The following PDE1A variants were observed in gnomAD, a reference collection of about 807,000 sequenced individuals.
PDE1A encodes the protein dual specificity calcium/calmodulin-dependent 3',5'-cyclic nucleotide phosphodiesterase 1A.
A neutral mutation model predicts 61.7 loss-of-function variants in PDE1A; 35 were observed. The ratio of observed to expected loss-of-function variants is 0.57; its 90% CI spans 0.43 to 0.75. PDE1A has a LOEUF of 0.75. Among genes scored for constraint, PDE1A ranks in the 30% least tolerant of loss-of-function variants. The pLI is 0.00. For missense variants in PDE1A, 597 were observed against 630.6 expected (o/e 0.95, Z 0.57); for synonymous variants, 232 against 213.2 (o/e 1.09, Z -0.77).
downstream of PDE1A, chr2:182,167,788 T>C (rs554773352): frequency 1.1e-5 from 5 of 465,934 alleles, no homozygotes; most frequent in Admixed American, 1.3e-4. Context: ...TTCAAAGATA[T>C]CTATCCCTTA....
At chr2:182,388,899 T>C (rs914619906) in intron 1 of PDE1A, among the ~76,000 whole-genome samples, 10 of 152,004 alleles carry the variant, frequency 6.6e-5, no homozygotes, top group Admixed American at 1.3e-4. Flanking sequence ...AACAAACCTA[T>C]AGCTAGACTA....
chr2:182,388,110 G>T (rs912590075), intron 1 of PDE1A, among the ~76,000 whole-genome samples: 3 of 151,874 alleles, frequency 2.0e-5, no homozygotes, highest in Non-Finnish European at 2.9e-5. Flanking sequence ...ATGATGGAGG[G>T]GTCAATTAAG....
the PDE1A span, among the ~76,000 whole-genome samples, chr2:182,667,962 G>A: frequency 2.0e-5 from 3 of 152,176 alleles, no homozygotes; most frequent in African/African-American, 7.2e-5. Flanking sequence ...GTCTGCTAAG[G>A]GAAAGGATTG....
the PDE1A span, among the ~76,000 whole-genome samples, chr2:182,645,143 A>G: frequency 6.6e-6 from 1 of 151,838 alleles, no homozygotes; most frequent in Non-Finnish European, 1.5e-5. Flanking sequence ...CCGCCACCAC[A>G]CCCAGCTAAT....
At chr2:182,250,131 C>T (rs1691290678) in intron 2 of PDE1A, among the ~76,000 whole-genome samples, 1 of 152,164 alleles carries the variant, frequency 6.6e-6, no homozygotes, top group Admixed American at 6.5e-5. Flanking sequence ...ACTGCCTTCA[C>T]ATTCGGTCAA....
the PDE1A span, among the ~76,000 whole-genome samples, chr2:182,606,341 G>T: frequency 6.6e-6 from 1 of 152,108 alleles, no homozygotes; most frequent in Non-Finnish European, 1.5e-5. Flanking sequence ...ACCACACCTG[G>T]CTAATTTTTT....
At position 182,313,581 on chromosome 2, in the gene PDE1A, C is replaced by T. The variant is rs1696136101; in HGVS notation, c.54-49167G>A. Among the ~76,000 whole-genome samples, 3 of 152,224 alleles carry T rather than the reference C, an allele frequency of 2.0e-5. No homozygotes were observed. The South Asian group carries it at 6.2e-4, about 32-fold the overall frequency. On this transcript the variant is annotated intron_variant, in intron 1 of 13. Transcript: ENST00000351439. ...TAGCAGTAAGAGCAGACATCTTTAA[C>T]TTGTTCTAGTTGACACTTAATTTTA... is the stretch of plus-strand genomic sequence containing the variant.
chr2:182,391,405 C>T (rs1701412555), intron 1 of PDE1A, among the ~76,000 whole-genome samples: 1 of 152,132 alleles, frequency 6.6e-6, no homozygotes. Flanking sequence ...GCTGGAAATG[C>T]CTGATCTCCC....
chr2:182,447,656 C>G (rs1685233468), intron 2 of PDE1A, among the ~76,000 whole-genome samples: 1 of 152,020 alleles, frequency 6.6e-6, no homozygotes, highest in Non-Finnish European at 1.5e-5. Flanking sequence ...CACTGGTGCT[C>G]TCTGCTCTTT....
intron 8 of PDE1A, among the ~76,000 whole-genome samples, chr2:182,205,152 T>C (rs1686991964): frequency 6.6e-6 from 1 of 152,196 alleles, no homozygotes; most frequent in Non-Finnish European, 1.5e-5. Flanking sequence ...TTTAATAAGA[T>C]TGTTGTTAAA....
At chr2:182,380,286 AT>A (rs1240606827) in intron 1 of PDE1A, among the ~76,000 whole-genome samples, 1 of 150,900 alleles carries the variant, frequency 6.6e-6, no homozygotes. Flanking sequence ...ACTTTTTTGT[AT>A]TTTTTTAGTA....
upstream of PDE1A, among the ~76,000 whole-genome samples, chr2:182,527,313 AAAAAAAAAAAAAAAATAT>A (rs1690786827): frequency 2.3e-5 from 1 of 43,010 alleles, no homozygotes; most frequent in African/African-American, 1.1e-4. Context: ...TAAAAAAAAA[AAAAAAAAAAAAAAAATAT>A]ATATATATAT....
chr2:182,363,841 A>T (rs180968888), intron 1 of PDE1A, among the ~76,000 whole-genome samples: 2 of 152,062 alleles, frequency 1.3e-5, no homozygotes, highest in African/African-American at 4.8e-5. Context: ...AATAGTCTCA[A>T]TAAAAGATGT....
chr2:182,658,074 A>AAAAAAAAAAAAAAAAAAAG, the PDE1A span, among the ~76,000 whole-genome samples: 1 of 28,786 alleles, frequency 3.5e-5, no homozygotes, highest in African/African-American at 8.9e-5. Flanking sequence ...AAAAAAAAAC[A>AAAAAAAAAAAAAAAAAAAG]AAAAAACTTT....
intron 13 of PDE1A, among the ~76,000 whole-genome samples, chr2:182,161,103 C>G (rs894994328): frequency 6.6e-6 from 1 of 152,134 alleles, no homozygotes; most frequent in Non-Finnish European, 1.5e-5. Context: ...CTTAATATCA[C>G]TGGACAAAGT....
chr2:182,482,265 T>A (rs1687749588), intron 2 of PDE1A, among the ~76,000 whole-genome samples: 2 of 151,924 alleles, frequency 1.3e-5, no homozygotes, highest in Non-Finnish European at 2.9e-5. Context: ...TATCACCTAG[T>A]TTTTAAACTG....
At chr2:182,659,574 A>T in the PDE1A span, among the ~76,000 whole-genome samples, 2 of 152,222 alleles carry the variant, frequency 1.3e-5, no homozygotes, top group East Asian at 3.8e-4. Context: ...TTATGAAAAC[A>T]TGAGATATAT....
chr2:182,671,697 G>A, the PDE1A span, among the ~76,000 whole-genome samples: 1 of 145,512 alleles, frequency 6.9e-6, no homozygotes, highest in African/African-American at 2.6e-5. Flanking sequence ...TCAGCTCACT[G>A]CAAGCTACAC....
At chr2:182,259,448 A>C (rs1250004112) in intron 2 of PDE1A, among the ~76,000 whole-genome samples, 3 of 152,340 alleles carry the variant, frequency 2.0e-5, no homozygotes. Context: ...CATACGTAAT[A>C]AATAAGAATT....
Sources: allele counts gnomAD v4.1 joint callset (sites outside exome capture counted in the v4.1 genomes callset), GRCh38; gene constraint gnomAD v4.1.1; transcripts MANE v1.5; gene names NCBI Gene and HGNC (gene_info 2026-07-23, HGNC 2026-07-21).